RGS7: variants seen among roughly 807,000 people sequenced by gnomAD.
RGS7 encodes the protein regulator of G-protein signaling 7.
In RGS7, 27 loss-of-function variants were observed where a neutral mutation model predicts 81.1. The ratio of observed to expected loss-of-function variants is 0.33; its 90% confidence interval spans 0.25 to 0.46. The LOEUF (loss-of-function observed/expected upper bound fraction) is 0.46, where lower values mean the gene tolerates loss of function less well. Among genes scored for constraint, RGS7 ranks in the 20% least tolerant of loss-of-function variants. The probability of loss-of-function intolerance (pLI) is 1.00; values close to 1 mark genes in which losing one functional copy is unlikely to be tolerated. For synonymous variants in RGS7, 208 were observed against 207.7 expected (o/e 1.00, Z -0.01); for missense variants, 396 against 607.4 (o/e 0.65, Z 3.66).
chr1:241,174,057 G>A (rs570760642), intron 2 of RGS7, among the ~76,000 whole-genome samples: 143 of 152,286 alleles, frequency 9.4e-4, no homozygotes, highest in Non-Finnish European at 1.8e-3. Context: ...ATTCCCAAAT[G>A]TGCTGGGTTC....
chr1:241,327,626 T>G (rs1301516798), intron 2 of RGS7, among the ~76,000 whole-genome samples: 1 of 152,198 alleles, frequency 6.6e-6, no homozygotes, highest in African/African-American at 2.4e-5. Context: ...CCAAATGTGA[T>G]AAGAATGTGA....
intron 16 of RGS7, among the ~76,000 whole-genome samples, chr1:240,802,446 C>A (rs1225733038): frequency 6.6e-6 from 1 of 152,116 alleles, no homozygotes; most frequent in Non-Finnish European, 1.5e-5. Context: ...TATTCGGAAG[C>A]AAACATTCCG....
intron 2 of RGS7, among the ~76,000 whole-genome samples, chr1:241,323,087 G>A (rs1248873655): frequency 6.6e-6 from 1 of 152,054 alleles, no homozygotes; most frequent in Non-Finnish European, 1.5e-5. Flanking sequence ...TAGTTTCATC[G>A]TTTAAATATC....
chr1:241,194,312 G>T (rs914006828), intron 2 of RGS7, among the ~76,000 whole-genome samples: 1 of 151,994 alleles, frequency 6.6e-6, no homozygotes. Flanking sequence ...TGCTACCTCT[G>T]GGCACCAATG....
chr1:241,303,884 G>A (rs575090955), intron 2 of RGS7, among the ~76,000 whole-genome samples: 1 of 152,242 alleles, frequency 6.6e-6, no homozygotes, highest in African/African-American at 2.4e-5. Flanking sequence ...TTTATTTTGG[G>A]GGGCAAGACT....
At position 240,868,714 on chromosome 1, in the gene RGS7, G is replaced by C; in HGVS notation, c.528-46C>G. The stretch of plus-strand genomic sequence containing the variant: ...GATAACATTTAGTATTAATTGTAGT[G>C]CCTCTCTGAACAAAAAGGCCACAAC... On this transcript the variant is annotated intron_variant, in intron 8 of 18. Transcript: ENST00000440928. This position sits in a 1 kb window ranked among gnomAD's most constrained non-coding sequence, Gnocchi z 5.1. The C allele has an allele frequency of 6.2e-7, 1 of 1,606,680 alleles. No individual in the cohort carries two copies. Among genetic ancestry groups the C allele is most frequent in the South Asian group, 1.1e-5 (1 of 90,912 alleles).
intron 9 of RGS7, among the ~76,000 whole-genome samples, chr1:240,831,139 G>T (rs1293445949): frequency 6.6e-6 from 1 of 152,076 alleles, no homozygotes; most frequent in Non-Finnish European, 1.5e-5. Flanking sequence ...TGTTACTAAT[G>T]ACTAAATGGT....
intron 2 of RGS7, among the ~76,000 whole-genome samples, chr1:241,133,928 G>C (rs1480922285): frequency 6.6e-6 from 1 of 152,130 alleles, no homozygotes; most frequent in Non-Finnish European, 1.5e-5. Flanking sequence ...GGGAGAGAGA[G>C]AGGCAGAGGG....
intron 6 of RGS7, among the ~76,000 whole-genome samples, chr1:240,899,856 T>C (rs67953761): frequency 0.13 from 19,258 of 152,234 alleles, 1,335 homozygotes; most frequent in Middle Eastern, 0.18. Flanking sequence ...GGTGAAGTTC[T>C]CCTGGAAAAT....
chr1:241,029,399 A>G (rs2059956248), intron 3 of RGS7, among the ~76,000 whole-genome samples: 1 of 152,230 alleles, frequency 6.6e-6, no homozygotes, highest in African/African-American at 2.4e-5. Context: ...TAAAAAGAAA[A>G]TCTGACGTGG....
At chr1:241,104,241 C>T (rs76739418) in intron 2 of RGS7, among the ~76,000 whole-genome samples, 6,526 of 152,146 alleles carry the variant, frequency 0.043, 232 homozygotes, top group African/African-American at 0.09. Flanking sequence ...TAGGAAGATA[C>T]GGATCCTTTT....
In RGS7 at chr1:241,349,031, A is replaced by G. The variant is rs1424831907; in HGVS notation, c.78+6668T>C. Among the ~76,000 whole-genome samples, 3 of 152,240 alleles carry G rather than the reference A, an allele frequency of 2.0e-5. No homozygotes were observed. In the East Asian group the frequency reaches 5.8e-4, roughly 29 times the overall value. The stretch of plus-strand genomic sequence containing the variant: ...AAATGATAATAATATTAATTATACT[A>G]GCAGGCATGTATTGGAAACCTAATA... On this transcript the variant is annotated intron_variant, in intron 2 of 18. Coordinates refer to ENST00000440928, the MANE Select transcript of RGS7 (RefSeq NM_001364886.1).
chr1:240,886,747 A>G (rs191016283), intron 6 of RGS7, among the ~76,000 whole-genome samples: 1 of 152,336 alleles, frequency 6.6e-6, no homozygotes, highest in East Asian at 1.9e-4. Context: ...CTAGAATAGA[A>G]AAAGGGCAAT....
intron 3 of RGS7, among the ~76,000 whole-genome samples, chr1:241,022,588 G>C (rs2059596328): frequency 1.3e-5 from 2 of 152,112 alleles, no homozygotes; most frequent in South Asian, 4.1e-4. Flanking sequence ...CTCAGCGCAA[G>C]AAGACAGCTT....
chr1:241,026,602 T>A (rs1041402646), intron 3 of RGS7, among the ~76,000 whole-genome samples: 1 of 150,602 alleles, frequency 6.6e-6, no homozygotes, highest in Non-Finnish European at 1.5e-5. Context: ...AAAAAAAAAA[T>A]TATTGAGTGC....
chr1:241,146,406 G>A (rs139602037), intron 2 of RGS7, among the ~76,000 whole-genome samples: 39 of 152,226 alleles, frequency 2.6e-4, no homozygotes, highest in African/African-American at 8.9e-4. Context: ...CCAGATTTTG[G>A]TATCTGAGGG....
At chr1:241,257,234 C>A (rs1374832295) in intron 2 of RGS7, among the ~76,000 whole-genome samples, 1 of 152,100 alleles carries the variant, frequency 6.6e-6, no homozygotes. Context: ...AGGGTATGAT[C>A]TCTACTTCAT....
At chr1:241,333,789 C>T (rs1373893328) in intron 2 of RGS7, among the ~76,000 whole-genome samples, 1 of 151,956 alleles carries the variant, frequency 6.6e-6, no homozygotes, top group African/African-American at 2.4e-5. Flanking sequence ...TATTAAAAAG[C>T]AATTTTTAGC....
intron 2 of RGS7, among the ~76,000 whole-genome samples, chr1:241,206,720 G>A (rs530624028): frequency 1.3e-5 from 2 of 151,906 alleles, no homozygotes; most frequent in East Asian, 1.9e-4. Flanking sequence ...TCCTCCTTAC[G>A]GCATTGGGAC....
Sources: allele counts gnomAD v4.1 joint callset (sites outside exome capture counted in the v4.1 genomes callset), GRCh38; gene constraint gnomAD v4.1.1; non-coding constraint Gnocchi (gnomAD v3.1); transcripts MANE v1.5; gene names NCBI Gene and HGNC (gene_info 2026-07-23, HGNC 2026-07-21).